The following CHGB variants were observed in gnomAD, a reference collection of about 807,000 sequenced individuals.
CHGB encodes chromogranin B.
A neutral mutation model predicts 69.9 loss-of-function variants in CHGB; 46 were observed. The ratio of observed to expected loss-of-function variants is 0.66; its 90% CI spans 0.52 to 0.84. The LOEUF (loss-of-function observed/expected upper bound fraction) is 0.84, where lower values mean the gene tolerates loss of function less well. Ranked by LOEUF, CHGB falls within the 40% of genes least tolerant of loss-of-function variation. CHGB has a pLI of 0.00. For missense variants in CHGB, 796 were observed against 822.2 expected (o/e 0.97, Z 0.39); for synonymous variants, 312 against 298.2 (o/e 1.05, Z -0.48).
At chr20:5,913,632 T>TC (rs201859957) in intron 1 of CHGB, among the ~76,000 whole-genome samples, 12 of 143,516 alleles carry the variant, frequency 8.4e-5, no homozygotes, top group African/African-American at 2.9e-4. Context: ...TCTTTTCTTT[T>TC]TTTTTTTTTT....
At chr20:5,924,261 C>T (rs994085024) in intron 4 of CHGB, among the ~76,000 whole-genome samples, 161 bp downstream of exon 4, 3 of 152,156 alleles carry the variant, frequency 2.0e-5, no homozygotes, top group Non-Finnish European at 4.4e-5. Context: ...GGTCGGTTTC[C>T]ACCTACCTCT....
At position 5,923,638 on chromosome 20, in the gene CHGB, A is replaced by G. The variant is rs2122578480; in HGVS notation, c.1494A>G (p.Glu498=). ...AGGACACTAAAGAAAACAGGGAGGA[A>G]GCTAGGTTTCAAGATAAACAATATA... ...DLQDTKENRE[E]ARFQDKQYSS... The change falls in exon 4 of 5, where the codon GAA becomes GAG. Residue 498 remains glutamate (E), a synonymous_variant. Coordinates refer to ENST00000378961, the MANE Select transcript of CHGB (RefSeq NM_001819.3). 6.2e-7 allele frequency: 1 copy of G among 1,613,974 alleles called. No individual in the cohort carries two copies. The highest frequency in any genetic ancestry group is 8.5e-7 in the Non-Finnish European group (1 of 1,179,886).
chr20:5,923,650 A>G lies in CHGB; in HGVS notation c.1506A>G (p.Gln502=), dbSNP rs775107672. 2.5e-6 allele frequency: 4 copies of G among 1,614,016 alleles called. No individual in the cohort carries two copies. The highest frequency in any genetic ancestry group is 3.4e-6 in the Non-Finnish European group (4 of 1,179,894). ...AAAACAGGGAGGAAGCTAGGTTTCA[A>G]GATAAACAATATAGCTCCCATCACA... ...TKENREEARF[Q]DKQYSSHHTA... The change falls in exon 4 of 5, where the codon CAA becomes CAG. Residue 502 remains glutamine, a synonymous_variant. Transcript: ENST00000378961.
At chr20:5,918,684 C>T (rs1321788525) in intron 3 of CHGB, among the ~76,000 whole-genome samples, 5 of 151,556 alleles carry the variant, frequency 3.3e-5, no homozygotes, top group Admixed American at 6.6e-5. Flanking sequence ...TGGTGACACA[C>T]GCCTGTAGTC....
chr20:5,916,702 G>T (rs775852868), intron 2 of CHGB, 124 bp from the exon 3 acceptor site: 2 of 843,308 alleles, frequency 2.4e-6, no homozygotes, highest in Non-Finnish European at 2.0e-6. Flanking sequence ...CTGTATCTCC[G>T]CCCTAAGAAT....
At chr20:5,914,939 G>C (rs2088466963) in intron 1 of CHGB, among the ~76,000 whole-genome samples, 1 of 152,214 alleles carries the variant, frequency 6.6e-6, no homozygotes, top group South Asian at 2.1e-4. Context: ...AGGGGGTGGG[G>C]AATGTTTAAA....
intron 1 of CHGB, among the ~76,000 whole-genome samples, chr20:5,915,005 C>A (rs1366625245): frequency 6.6e-6 from 1 of 152,192 alleles, no homozygotes; most frequent in Admixed American, 6.5e-5. Flanking sequence ...ATTTGAATAG[C>A]TTTCATGTCT....
intron 1 of CHGB, among the ~76,000 whole-genome samples, chr20:5,914,435 C>T (rs2088464123): frequency 6.6e-6 from 1 of 152,096 alleles, no homozygotes. Flanking sequence ...AAAAATCTTT[C>T]TCTGCCCCCA....
intron 1 of CHGB, among the ~76,000 whole-genome samples, chr20:5,913,880 C>A (rs1336229881): frequency 6.6e-6 from 1 of 152,018 alleles, no homozygotes; most frequent in East Asian, 1.9e-4. Context: ...AATCCGCCAG[C>A]CTCGGACTCC....
At chr20:5,916,075 C>G in intron 1 of CHGB, 1 of 516,200 alleles carries the variant, frequency 1.9e-6, no homozygotes, top group Non-Finnish European at 3.5e-6. Context: ...GAGTATACAG[C>G]TTAATACGCA....
chr20:5,923,848 T>C lies in CHGB; in HGVS notation c.1704T>C (p.Tyr568=). ...NEKNFFPEYN[Y]DWWEKKPFSE... is the part of the protein sequence containing the mutation. ...AGAATTTCTTCCCAGAATACAACTA[T>C]GACTGGTGGGAGAAAAAGCCCTTCT... The change falls in exon 4 of 5, where the codon TAT becomes TAC. Residue 568 remains tyrosine, a synonymous_variant. Transcript: ENST00000378961. The C allele has an allele frequency of 6.2e-7, 1 of 1,614,160 alleles. No individual in the cohort carries two copies. Among genetic ancestry groups the C allele is most frequent in the South Asian group, 1.1e-5 (1 of 91,076 alleles).
chr20:5,924,375 G>A (rs1177603906), intron 4 of CHGB, among the ~76,000 whole-genome samples: 1 of 152,150 alleles, frequency 6.6e-6, no homozygotes, highest in Non-Finnish European at 1.5e-5. Context: ...CTGTGTTAGA[G>A]ATTCTGTCTA....
At chr20:5,913,969 C>G (rs958628305) in intron 1 of CHGB, among the ~76,000 whole-genome samples, 2 of 152,078 alleles carry the variant, frequency 1.3e-5, no homozygotes, top group African/African-American at 4.8e-5. Context: ...GCTTATTTAA[C>G]TTATTTTACA....
intron 3 of CHGB, chr20:5,917,131 A>C (rs446658): frequency 0.42 from 239,681 of 572,796 alleles, 52,476 homozygotes; most frequent in African/African-American, 0.56. Context: ...TAGGAAAGAC[A>C]GTTTGCCTCT....
Position 5,923,941 on chromosome 20 carries a change from G to A in CHGB, c.1797G>A (p.Arg599=). ...GGGTCCCCAAGCTGGACCTGAAAAGGCAATATGACAGGGTGGCCCAACTGG... is the reference window on the plus strand; with the variant it reads ...GGGTCCCCAAGCTGGACCTGAAAAGACAATATGACAGGGTGGCCCAACTGG... The part of the protein sequence containing the change: ...LARVPKLDLK[R]QYDRVAQLDQ... The change falls in exon 4 of 5, where the codon AGG becomes AGA. Residue 599 remains arginine (R), a synonymous_variant. Transcript: ENST00000378961. The A allele has an allele frequency of 2.5e-6, 4 of 1,614,140 alleles. No homozygotes were observed. Among genetic ancestry groups the A allele is most frequent in the Non-Finnish European group, 3.4e-6 (4 of 1,180,018 alleles).
chr20:5,919,232 C>T (rs1055143639), intron 3 of CHGB, among the ~76,000 whole-genome samples: 6 of 152,220 alleles, frequency 3.9e-5, no homozygotes, highest in African/African-American at 1.4e-4. Context: ...GGCATAGTAA[C>T]TCTAGCCTCT....
chr20:5,912,509 A>G (rs978259252), intron 1 of CHGB, among the ~76,000 whole-genome samples: 3 of 152,112 alleles, frequency 2.0e-5, no homozygotes, highest in African/African-American at 4.8e-5. Context: ...GTTTTAGCCA[A>G]TTTAGGAGGA....
chr20:5,923,031 G>A lies in CHGB; in HGVS notation c.887G>A (p.Gly296Glu), dbSNP rs267606032. 1 of 1,613,458 alleles carries A rather than the reference G, an allele frequency of 6.2e-7. No homozygotes were observed. The highest frequency in any genetic ancestry group is 8.5e-7 in the Non-Finnish European group (1 of 1,179,668). Residue 296 changes from glycine (G) to glutamate (E), a missense_variant, in exon 4 of 5, where the codon GGA becomes GAA. Coordinates refer to ENST00000378961, the MANE Select transcript of CHGB (RefSeq NM_001819.3). ...AGCAGGCCCGACAGGTCCTCTCAAG[G>A]AGGGAGTCTTCCCTCTGAGGAAAAG... ...GRSRPDRSSQGGSLPSEEKGH... is the reference protein window; with the variant it reads ...GRSRPDRSSQEGSLPSEEKGH...
intron 4 of CHGB, 152 bp downstream of exon 4, chr20:5,924,252 G>T (rs1568552653): frequency 8.6e-7 from 1 of 1,162,104 alleles, no homozygotes; most frequent in Non-Finnish European, 1.2e-6. Context: ...CACCTTGGGG[G>T]TCGGTTTCCA....
Sources: gnomAD v4.1 joint callset for allele counts (sites outside exome capture counted in the v4.1 genomes callset) on GRCh38, gnomAD v4.1.1 for gene constraint, MANE v1.5 for transcripts, NCBI Gene and HGNC (gene_info 2026-07-23, HGNC 2026-07-21) for gene names.